Variants in CEP128 observed in about 807,000 individuals in gnomAD.
CEP128 encodes the protein centrosomal protein 128, also known as centrosomal protein 128kDa.
CEP128 carries 132 observed loss-of-function variants against 156.7 expected under a neutral mutation model. That is an observed-to-expected ratio of 0.84 (90% CI 0.73 to 0.97). The LOEUF is 0.97. Ranked by LOEUF, CEP128 falls within the 50% of genes least tolerant of loss-of-function variation. The pLI is 0.00. For missense variants in CEP128, 1,252 were observed against 1,281.9 expected, an observed-to-expected ratio of 0.98 and a Z score of 0.36; for synonymous variants, 469 against 448.9, an observed-to-expected ratio of 1.04 and a Z score of -0.57.
At chr14:80,582,776 T>C (rs892553796) in intron 19 of CEP128, among the ~76,000 whole-genome samples, 1 of 152,050 alleles carries the variant, frequency 6.6e-6, no homozygotes, top group Non-Finnish European at 1.5e-5. Flanking sequence ...TCAATATTTG[T>C]GAGATATAAG....
At chr14:80,676,326 G>A (rs1896057978) in intron 19 of CEP128, among the ~76,000 whole-genome samples, 2 of 151,900 alleles carry the variant, frequency 1.3e-5, no homozygotes. Flanking sequence ...TCTGAAGATG[G>A]AATCTTTAAA....
At chr14:80,863,560 C>T (rs552696044) in intron 8 of CEP128, among the ~76,000 whole-genome samples, 37 of 152,152 alleles carry the variant, frequency 2.4e-4, no homozygotes, top group Non-Finnish European at 5.0e-4. Context: ...TGCATAAATT[C>T]AAACATATCT....
chr14:80,925,197 G>A (rs1456835282), intron 2 of CEP128, among the ~76,000 whole-genome samples: 1 of 151,732 alleles, frequency 6.6e-6, no homozygotes, highest in East Asian at 1.9e-4. Context: ...TGAGTCTAAG[G>A]AAATATTTGA....
intron 8 of CEP128, among the ~76,000 whole-genome samples, chr14:80,887,425 A>G (rs111996406): frequency 9.9e-5 from 15 of 152,164 alleles, no homozygotes; most frequent in African/African-American, 3.4e-4. Flanking sequence ...CATAACAAAC[A>G]GTCTCTCAGA....
chr14:80,875,377 T>G (rs1888232984), intron 8 of CEP128, among the ~76,000 whole-genome samples: 1 of 151,690 alleles, frequency 6.6e-6, no homozygotes, highest in Non-Finnish European at 1.5e-5. Flanking sequence ...CCTCAAATTA[T>G]CTATTCAAAT....
chr14:80,790,976 C>T (rs1901676296), intron 14 of CEP128, among the ~76,000 whole-genome samples: 1 of 151,976 alleles, frequency 6.6e-6, no homozygotes. Context: ...TTCCAAAATA[C>T]CTTGCAGTCA....
At chr14:80,599,775 A>G (rs1215141503) in intron 19 of CEP128, among the ~76,000 whole-genome samples, 1 of 152,172 alleles carries the variant, frequency 6.6e-6, no homozygotes, top group Admixed American at 6.5e-5. Flanking sequence ...AATCATACCC[A>G]AAGAACTGAG....
chr14:80,843,052 AG>A (rs1278419529), intron 9 of CEP128, among the ~76,000 whole-genome samples: 4 of 151,624 alleles, frequency 2.6e-5, no homozygotes, highest in Non-Finnish European at 4.4e-5. Context: ...ATAAAAAAAA[AG>A]GTAGTTTTTC....
intron 19 of CEP128, among the ~76,000 whole-genome samples, chr14:80,617,217 A>ACCTTTTTT (rs1491470595): frequency 7.7e-4 from 33 of 43,104 alleles, no homozygotes; most frequent in South Asian, 3.4e-3. Flanking sequence ...TGTGAATATC[A>ACCTTTTTT]TCTTTTTTTT....
intron 23 of CEP128, among the ~76,000 whole-genome samples, chr14:80,513,370 G>A (rs1025568006): frequency 2.6e-5 from 4 of 152,126 alleles, no homozygotes; most frequent in African/African-American, 7.2e-5. Context: ...AATGTTATTT[G>A]TTTATTTAAT....
chr14:80,798,446 A>T (rs542021793), intron 13 of CEP128, among the ~76,000 whole-genome samples: 1 of 152,240 alleles, frequency 6.6e-6, no homozygotes, highest in Non-Finnish European at 1.5e-5. Flanking sequence ...TCCAGCAGTG[A>T]ATTCTGACAA....
At chr14:80,555,027 T>C (rs888334843) in intron 21 of CEP128, among the ~76,000 whole-genome samples, 59 of 152,048 alleles carry the variant, frequency 3.9e-4, no homozygotes, top group African/African-American at 1.4e-3. Flanking sequence ...GATCCTGATA[T>C]AAAAGATCCC....
At chr14:80,581,747 G>A (rs898123683) in intron 19 of CEP128, among the ~76,000 whole-genome samples, 1 of 152,146 alleles carries the variant, frequency 6.6e-6, no homozygotes, top group Admixed American at 6.5e-5. Flanking sequence ...GTTTTGATTG[G>A]CATATCAGGT....
intron 13 of CEP128, among the ~76,000 whole-genome samples, chr14:80,819,759 AGT>A (rs1885067114): frequency 6.6e-6 from 1 of 152,174 alleles, no homozygotes; most frequent in Non-Finnish European, 1.5e-5. Flanking sequence ...TTCAGTGCTG[AGT>A]GTGAGTTCAA....
intron 20 of CEP128, among the ~76,000 whole-genome samples, chr14:80,563,157 T>C (rs1198671085): frequency 8.5e-5 from 13 of 152,272 alleles, no homozygotes; most frequent in African/African-American, 2.6e-4. Flanking sequence ...AAGTTCAACC[T>C]GCAGGTTCAT....
intron 21 of CEP128, among the ~76,000 whole-genome samples, chr14:80,540,200 C>CT (rs1402902174): frequency 6.7e-6 from 1 of 148,570 alleles, no homozygotes; most frequent in East Asian, 2.1e-4. Context: ...TTCTTACACC[C>CT]CCCCCCCTTT....
At chr14:80,912,175 C>T (rs1884268521) in intron 4 of CEP128, among the ~76,000 whole-genome samples, 1 of 151,726 alleles carries the variant, frequency 6.6e-6, no homozygotes, top group South Asian at 2.1e-4. Flanking sequence ...TGAGATCGCG[C>T]CACTGCATTC....
chr14:80,544,877 C>T (rs907548648), intron 21 of CEP128, among the ~76,000 whole-genome samples: 1 of 152,064 alleles, frequency 6.6e-6, no homozygotes, highest in African/African-American at 2.4e-5. Flanking sequence ...ATGGGACTTA[C>T]TATGTTTTAA....
intron 19 of CEP128, among the ~76,000 whole-genome samples, chr14:80,619,336 T>C (rs986508241): frequency 6.8e-6 from 1 of 146,106 alleles, no homozygotes; most frequent in African/African-American, 2.5e-5. Context: ...AAAGCACTTA[T>C]AAAATGTTTT....
Sources: gnomAD v4.1 joint callset for allele counts (sites outside exome capture counted in the v4.1 genomes callset) on GRCh38, gnomAD v4.1.1 for gene constraint, MANE v1.5 for transcripts, NCBI Gene and HGNC (gene_info 2026-07-23, HGNC 2026-07-21) for gene names.